Variants in CES3 observed in about 807,000 individuals in gnomAD.
The protein encoded by CES3 is carboxylesterase 3, also known as carboxylesterase 3 (brain).
A neutral mutation model predicts 57.6 loss-of-function variants in CES3; 49 were observed. That is an observed-to-expected ratio of 0.85 (90% CI 0.68 to 1.08). The LOEUF is 1.08. Ranked by LOEUF, CES3 falls within the 50% of genes least tolerant of loss-of-function variation. The probability of loss-of-function intolerance (pLI) is 0.00; values close to 1 mark genes in which losing one functional copy is unlikely to be tolerated. For missense variants in CES3, 645 were observed against 742.0 expected (o/e 0.87, Z 1.52); for synonymous variants, 266 against 281.6 (o/e 0.94, Z 0.55).
rs748038770 is a variant in CES3 at position 66,963,226 on chromosome 16, C to T, written c.130C>T (p.Arg44Ter). 45 of 1,614,104 alleles carry T rather than the reference C, an allele frequency of 2.8e-5. No homozygotes were observed. The highest frequency in any genetic ancestry group is 1.3e-4 in the African/African-American group (10 of 74,946). Residue 44 changes from arginine to a stop codon, truncating the protein, a stop_gained, in exon 2 of 13, where the codon CGA becomes TGA. Transcript: ENST00000303334. LOFTEE classifies it high-confidence loss of function. The surrounding 1 kb of genome is among the most constrained non-coding windows in gnomAD (Gnocchi z 4.9). ...AGTAGACACCACCCTGGGTCGTGTG[C>T]GAGGCCGGCAGGTGGGCGTGAAGGG... ...PEVDTTLGRV[R>*]GRQVGVKGTD...
intron 9 of CES3, 70 bp downstream of exon 9, chr16:66,969,829 G>A: frequency 1.5e-6 from 2 of 1,367,008 alleles, no homozygotes; most frequent in Non-Finnish European, 2.0e-6. Context: ...CCATCCAACA[G>A]CACAGTCTCT....
chr16:66,973,283 G>A lies in CES3; in HGVS notation c.*234G>A, dbSNP rs534381729. The A allele has an allele frequency of 3.4e-5, 18 of 529,906 alleles. No individual in the cohort carries two copies. Among genetic ancestry groups the A allele is most frequent in the African/African-American group, 1.7e-4 (9 of 52,444 alleles). The allele number at this position is 529,906 out of a possible 1,614,324, so 32.8% of individuals were successfully genotyped here. ...CTGAAGTGCCTTTCCTGCTTTCTTC[G>A]TGGTAGGTTCTAGCACATTCCTCTA... On this transcript the variant is annotated 3_prime_UTR_variant, in exon 13 of 13. Transcript: ENST00000303334.
rs1963909458 is a variant in CES3, at chr16:66,974,734, G to C, written c.*1685G>C. 1 of 152,472 alleles carries C rather than the reference G, an allele frequency of 6.6e-6. No individual in the cohort carries two copies. The highest frequency in any genetic ancestry group is 1.5e-5 in the Non-Finnish European group (1 of 68,254). 9.4% of individuals were successfully genotyped at this position (152,472 alleles called of 1,614,324 possible). A position where few individuals can be genotyped will look rare whatever the true frequency, so the allele number is the denominator to read the frequency against. ...TGGAGAACCTTTATGTCTAGCTAAG[G>C]GATTGTAAATACACCGATGGGCACT... On this transcript the variant is annotated 3_prime_UTR_variant, in exon 13 of 13. Coordinates refer to ENST00000303334, the MANE Select transcript of CES3 (RefSeq NM_024922.6).
chr16:66,964,511 G>T lies in CES3; in HGVS notation c.714+1G>T, dbSNP rs1254158784. 1 of 1,613,868 alleles carries T rather than the reference G, an allele frequency of 6.2e-7. No homozygotes were observed. Among genetic ancestry groups the T allele is most frequent in the Non-Finnish European group, 8.5e-7 (1 of 1,179,932 alleles). On this transcript the variant is annotated splice_donor_variant, in intron 5 of 12. Coordinates refer to ENST00000303334, the MANE Select transcript of CES3 (RefSeq NM_024922.6). LOFTEE classifies it high-confidence loss of function. The stretch of plus-strand genomic sequence containing the variant: ...CGGTGGGAGCATCATCTCTGGCCTG[G>T]TAAGTCACTATAGGGGGCTAGTGAT...
In CES3 at chr16:66,972,660, C is replaced by T; in HGVS notation, c.1442-8C>T. ...TCTCGTTCAGTTCTGTCCCTCTCAC[C>T]TTTCCAGCCTTTCCAGAGGCCACAG... On this transcript the variant is annotated splice_polypyrimidine_tract_variant and splice_region_variant and intron_variant, in intron 11 of 12. Coordinates refer to ENST00000303334, the MANE Select transcript of CES3 (RefSeq NM_024922.6). The T allele has an allele frequency of 6.2e-7, 1 of 1,614,190 alleles. No individual in the cohort carries two copies.
chr16:66,964,372 T>A lies in CES3; in HGVS notation c.576T>A (p.His192Gln). 1.9e-6 allele frequency: 3 copies of A among 1,613,944 alleles called. No homozygotes were observed. The highest frequency in any genetic ancestry group is 2.5e-6 in the Non-Finnish European group (3 of 1,179,994). ...CTGCCCCCAGCACTGGAGATGAGCA[T>A]GCACCTGGCAACCAGGGCTTCCTAG... ...VLGFFSTGDEHAPGNQGFLDV... is the reference protein window; with the variant it reads ...VLGFFSTGDEQAPGNQGFLDV... Residue 192 changes from histidine to glutamine, a missense_variant, in exon 5 of 13, where the codon CAT (histidine) becomes CAA (glutamine). By Grantham distance (24) the His-to-Gln change is conservative. Transcript: ENST00000303334.
Position 66,964,530 on chromosome 16 carries a change from T to C in CES3, c.714+20T>C, listed in dbSNP as rs781530552. The C allele has an allele frequency of 1.9e-6, 3 of 1,613,276 alleles. No individual in the cohort carries two copies. The highest frequency in any genetic ancestry group is 1.7e-5 in the Admixed American group (1 of 59,958). The stretch of plus-strand genomic sequence containing the variant: ...GGCCTGGTAAGTCACTATAGGGGGC[T>C]AGTGATGGTGGCCAGGAGGGCTCCG... On this transcript the variant is annotated intron_variant, in intron 5 of 12. Transcript: ENST00000303334.
intron 4 of CES3, 23 bp from the exon 5 acceptor site, chr16:66,964,334 C>T (rs201086912): frequency 9.3e-6 from 15 of 1,611,036 alleles, no homozygotes; most frequent in African/African-American, 4.0e-5. Context: ...CTGAACTAAC[C>T]GTTGCCCCAA....
At position 66,972,455 on chromosome 16, in the gene CES3, G is replaced by T. The variant is rs779634493; in HGVS notation, c.1391G>T (p.Gly464Val). Reference sequence around the variant, plus strand: ...GTGAAGGCTGATCATGGGGCCGAGGGTGCTTTTGTGTTCGGAGGTCCCTTC... The same window carrying T: ...GTGAAGGCTGATCATGGGGCCGAGGTTGCTTTTGTGTTCGGAGGTCCCTTC... Reference protein sequence around the residue: ...AWVKADHGAEGAFVFGGPFLM... With the variant: ...AWVKADHGAEVAFVFGGPFLM... Residue 464 changes from glycine (G) to valine (V), a missense_variant, in exon 11 of 13, where the codon GGT (glycine) becomes GTT (valine). Physicochemically the swap from Gly to Val is moderately radical, Grantham distance 109. Transcript: ENST00000303334. 2 of 1,613,944 alleles carry T rather than the reference G, an allele frequency of 1.2e-6. No homozygotes were observed. Among genetic ancestry groups the T allele is most frequent in the African/African-American group, 2.7e-5 (2 of 74,910 alleles).
At position 66,963,883 on chromosome 16, in the gene CES3, G is replaced by A. The variant is rs1160658731; in HGVS notation, c.508G>A (p.Asp170Asn). The change falls in exon 4 of 13, where the codon GAT (aspartate) becomes AAT (asparagine). Residue 170 changes from aspartate to asparagine, a missense_variant. Asp to Asn is a conservative substitution (Grantham distance 23). Transcript: ENST00000303334. The surrounding 1 kb of genome is among the most constrained non-coding windows in gnomAD (Gnocchi z 4.9). ...TGGATCAGCTCTGGCTGCCTATGGG[G>A]ATGTGGTCGTGGTTACAGTCCAGTA... ...YDGSALAAYGDVVVVTVQYRL... is the reference protein window; with the variant it reads ...YDGSALAAYGNVVVVTVQYRL... 4.3e-6 allele frequency: 7 copies of A among 1,614,080 alleles called. No individual in the cohort carries two copies. Among genetic ancestry groups the A allele is most frequent in the Middle Eastern group, 1.6e-4 (1 of 6,082 alleles).
In CES3 at chr16:66,964,542, C is replaced by T. The variant is rs778856762; in HGVS notation, c.714+32C>T. ...CACTATAGGGGGCTAGTGATGGTGG[C>T]CAGGAGGGCTCCGGTGGTCTCAGAA... is the stretch of plus-strand genomic sequence containing the variant. On this transcript the variant is annotated intron_variant, in intron 5 of 12. Transcript: ENST00000303334. The T allele has an allele frequency of 2.5e-6, 4 of 1,612,258 alleles. No homozygotes were observed. In the South Asian group the frequency reaches 4.4e-5, roughly 18 times the overall value.
Position 66,972,427 on chromosome 16 carries a change from T to G in CES3, c.1363T>G (p.Trp455Gly), listed in dbSNP as rs763991271. ...PSSFAKIKPAWVKADHGAEGA... is the reference protein window; with the variant it reads ...PSSFAKIKPAGVKADHGAEGA... Reference sequence around the variant, plus strand: ...TTCTTTTGCGAAGATCAAACCTGCCTGGGTGAAGGCTGATCATGGGGCCGA... The same window carrying G: ...TTCTTTTGCGAAGATCAAACCTGCCGGGGTGAAGGCTGATCATGGGGCCGA... Residue 455 changes from tryptophan (W) to glycine (G), a missense_variant, in exon 11 of 13, where the codon TGG (tryptophan) becomes GGG (glycine). Physicochemically the swap from Trp to Gly is radical, Grantham distance 184. Coordinates refer to ENST00000303334, the MANE Select transcript of CES3 (RefSeq NM_024922.6). 1 of 1,613,958 alleles carries G rather than the reference T, an allele frequency of 6.2e-7. No homozygotes were observed. The highest frequency in any genetic ancestry group is 1.1e-5 in the South Asian group (1 of 91,038).
rs375973123 is a variant in CES3, at chr16:66,963,184, G to A, written c.88G>A (p.Glu30Lys). The A allele has an allele frequency of 1.5e-5, 25 of 1,614,120 alleles. No individual in the cohort carries two copies. Among genetic ancestry groups the A allele is most frequent in the African/African-American group, 4.0e-5 (3 of 74,940 alleles). The change falls in exon 2 of 13, where the codon GAA becomes AAA. Residue 30 changes from glutamate (E) to lysine (K), a missense_variant. Glu to Lys is a moderately conservative substitution (Grantham distance 56). Coordinates refer to ENST00000303334, the MANE Select transcript of CES3 (RefSeq NM_024922.6). The surrounding 1 kb of genome is among the most constrained non-coding windows in gnomAD (Gnocchi z 4.9). Reference sequence around the variant, plus strand: ...CCTTTCTGTCCTTCCCTCAGGGCCCGAAGTTGCTCAGCCTGAAGTAGACAC... The same window carrying A: ...CCTTTCTGTCCTTCCCTCAGGGCCCAAAGTTGCTCAGCCTGAAGTAGACAC... The part of the protein sequence containing the change: ...LACPATATGP[E>K]VAQPEVDTTL...
rs747468319 is a variant in CES3, at chr16:66,963,637, C to A, written c.426+8C>A. 17 of 1,613,860 alleles carry A rather than the reference C, an allele frequency of 1.1e-5. No homozygotes were observed. In the Admixed American group the frequency reaches 1.7e-4, roughly 16 times the overall value. On this transcript the variant is annotated splice_region_variant and intron_variant, in intron 3 of 12. Coordinates refer to ENST00000303334, the MANE Select transcript of CES3 (RefSeq NM_024922.6). The surrounding 1 kb of genome is among the most constrained non-coding windows in gnomAD (Gnocchi z 4.9). ...GCAGGGTCCGGTAGGCCGGTAGGCA[C>A]CCCAGAGGGCCCTGTCCACCTGATC...
intron 6 of CES3, among the ~76,000 whole-genome samples, chr16:66,965,179 T>G (rs1963712301): frequency 6.6e-6 from 1 of 152,236 alleles, no homozygotes; most frequent in Admixed American, 6.5e-5. Flanking sequence ...TGACAGGTCC[T>G]GCAGGAGCAA....
rs1963728165 is a variant in CES3 at position 66,966,266 on chromosome 16, G to A, written c.842G>A (p.Cys281Tyr). ...LAQKIANTLA[C>Y]SSSSPAEMVQ... The stretch of plus-strand genomic sequence containing the variant: ...CAGAAAATCGCAAACACCTTGGCCT[G>A]CAGCTCCAGCTCCCCGGCTGAGATG... Residue 281 changes from cysteine (C) to tyrosine (Y), a missense_variant, in exon 7 of 13, where the codon TGC becomes TAC. Transcript: ENST00000303334. 6.2e-7 allele frequency: 1 copy of A among 1,613,572 alleles called. No individual in the cohort carries two copies. Among genetic ancestry groups the A allele is most frequent in the African/African-American group, 1.3e-5 (1 of 75,054 alleles).
chr16:66,967,024 G>T (rs1329665687), intron 8 of CES3, among the ~76,000 whole-genome samples, 159 bp downstream of exon 8: 1 of 152,126 alleles, frequency 6.6e-6, no homozygotes, highest in East Asian at 1.9e-4. Flanking sequence ...ACTTGCCCAA[G>T]GTCACCCAGC....
rs78357969 is a variant in CES3 at position 66,967,793 on chromosome 16, G to A, written c.1062+928G>A. Reference sequence around the variant, plus strand: ...TGTTTGTTTTTTGAGACAGAGCCTCGATCCATCATCCAGGCTGCAGTGCAG... The same window carrying A: ...TGTTTGTTTTTTGAGACAGAGCCTCAATCCATCATCCAGGCTGCAGTGCAG... On this transcript the variant is annotated intron_variant, in intron 8 of 12. Transcript: ENST00000303334. The A allele has an allele frequency of 1.3e-5, 13 of 978,062 alleles. No individual in the cohort carries two copies. In the African/African-American group the frequency reaches 2.1e-4, roughly 16 times the overall value. The allele number at this position is 978,062 out of a possible 1,614,324, so 60.6% of individuals were successfully genotyped here. A position where few individuals can be genotyped will look rare whatever the true frequency, so the allele number is the denominator to read the frequency against.
rs8048523 is a variant in CES3 at position 66,971,252 on chromosome 16, G to A, written c.1224G>A (p.Ala408=). ...CGGACGCACAAGCCAAATGCCAGGCGTTCCAGGAATTCATGGGTGACGTAT... is the reference window on the plus strand; with the variant it reads ...CGGACGCACAAGCCAAATGCCAGGCATTCCAGGAATTCATGGGTGACGTAT... ...SNSDAQAKCQ[A]FQEFMGDVFI... The change falls in exon 10 of 13, where the codon GCG becomes GCA. Residue 408 remains alanine, a synonymous_variant. Transcript: ENST00000303334. The A allele has an allele frequency of 1.5e-3, 2,371 of 1,614,076 alleles. 58 individuals carry two copies. The Admixed American group carries it at 0.036, about 24-fold the overall frequency.
Sources: gnomAD v4.1 joint callset for allele counts (sites outside exome capture counted in the v4.1 genomes callset) on GRCh38, gnomAD v4.1.1 for gene constraint, Gnocchi (gnomAD v3.1) non-coding constraint, MANE v1.5 for transcripts, NCBI Gene and HGNC (gene_info 2026-07-23, HGNC 2026-07-21) for gene names.